Variants in MMP20 observed in about 807,000 individuals in gnomAD.
MMP20 encodes the protein matrix metalloproteinase-20.
Under a neutral mutation model 51.8 loss-of-function variants are expected in MMP20, and 50 were observed. That is an observed-to-expected ratio of 0.97 (90% confidence interval 0.77 to 1.22). The LOEUF is 1.22. Ranked by LOEUF, MMP20 falls within the 50% of genes most tolerant of loss-of-function variation. The pLI, the probability that MMP20 is intolerant of heterozygous loss-of-function variation, is 0.00. For missense variants in MMP20, 663 were observed against 601.4 expected (o/e 1.10, Z -1.07); for synonymous variants, 244 against 216.2 (o/e 1.13, Z -1.13).
intron 1 of MMP20, 83 bp downstream of exon 1, chr11:102,625,111 A>G: frequency 1.3e-6 from 2 of 1,547,616 alleles, no homozygotes; most frequent in Middle Eastern, 2.1e-4. Flanking sequence ...GAACAATAGA[A>G]TTTTTTTCTT....
intron 8 of MMP20, among the ~76,000 whole-genome samples, chr11:102,584,970 T>G (rs1385882887): frequency 6.6e-6 from 1 of 152,192 alleles, no homozygotes; most frequent in Non-Finnish European, 1.5e-5. Flanking sequence ...AATTTTATTC[T>G]ATTAACATGT....
chr11:102,595,685 C>T (rs1859373163), intron 6 of MMP20, among the ~76,000 whole-genome samples: 1 of 152,178 alleles, frequency 6.6e-6, no homozygotes, highest in Non-Finnish European at 1.5e-5. Context: ...ATCTAGTACA[C>T]ACATATTGAT....
intron 4 of MMP20, among the ~76,000 whole-genome samples, 164 bp from the exon 5 acceptor site, chr11:102,609,262 G>T (rs1244131305): frequency 6.6e-6 from 1 of 152,156 alleles, no homozygotes. Context: ...TAGCTTTGGT[G>T]ACTTTAATTC....
rs532136091 is a variant in MMP20 at position 102,616,874 on chromosome 11, A to G, written c.312T>C (p.Asp104=). The G allele has an allele frequency of 6.2e-7, 1 of 1,614,220 alleles. No homozygotes were observed. Among genetic ancestry groups the G allele is most frequent in the Admixed American group, 1.7e-5 (1 of 60,032 alleles). The part of the protein sequence containing the change: ...VIKKPRCGVP[D]VANYRLFPGE... ...CAGGGAAGAGGCGATAATTGGCCAC[A>G]TCAGGAACTCCACAGCGAGGCTTCT... The change falls in exon 2 of 10, where the codon GAT becomes GAC. Residue 104 remains aspartate, a synonymous_variant. Transcript: ENST00000260228.
intron 8 of MMP20, among the ~76,000 whole-genome samples, chr11:102,589,418 CT>C (rs1232263848): frequency 6.6e-6 from 1 of 152,168 alleles, no homozygotes; most frequent in Non-Finnish European, 1.5e-5. Flanking sequence ...ACTTTTGGCA[CT>C]TGGATTTCTG....
At chr11:102,624,401 CATATATATATATATAT>C (rs58212685) in intron 1 of MMP20, among the ~76,000 whole-genome samples, 21 of 140,268 alleles carry the variant, frequency 1.5e-4, no homozygotes, top group African/African-American at 3.3e-4. Context: ...CGCTTGGAAG[CATATATATATATATAT>C]ATATATATAT....
chr11:102,609,280 C>T (rs1278893896), intron 4 of MMP20, among the ~76,000 whole-genome samples, 182 bp from the exon 5 acceptor site: 2 of 152,092 alleles, frequency 1.3e-5, no homozygotes, highest in Non-Finnish European at 2.9e-5. Flanking sequence ...TTCTTCCCCC[C>T]TTGGCTAGAA....
chr11:102,622,213 C>T (rs1464292531), intron 1 of MMP20, among the ~76,000 whole-genome samples: 4 of 152,120 alleles, frequency 2.6e-5, no homozygotes, highest in Admixed American at 6.5e-5. Context: ...TGTTTGGAAA[C>T]GTGGCCTCTC....
intron 6 of MMP20, among the ~76,000 whole-genome samples, chr11:102,600,673 G>A (rs1198572024): frequency 1.3e-5 from 2 of 152,164 alleles, no homozygotes; most frequent in East Asian, 3.9e-4. Context: ...TTTTAGTAGA[G>A]ACAGGGTTTC....
At chr11:102,599,706 A>G (rs1360388162) in intron 6 of MMP20, among the ~76,000 whole-genome samples, 1 of 152,242 alleles carries the variant, frequency 6.6e-6, no homozygotes, top group East Asian at 1.9e-4. Context: ...ACTTTGAAGT[A>G]CAAACTGTCA....
rs941227610 is a variant in MMP20, at chr11:102,611,674, A to G, written c.523+81T>C. ...CTGTGCGAAGGAGGAGTGTGTGATC[A>G]CTCGAATTAAAGATGTAGAAGGAAC... On this transcript the variant is annotated intron_variant, in intron 3 of 9. Transcript: ENST00000260228. 1.5e-5 allele frequency: 23 copies of G among 1,534,618 alleles called. No homozygotes were observed. In the South Asian group the frequency reaches 1.8e-4, roughly 12 times the overall value.
chr11:102,625,136 C>G (rs748615415), intron 1 of MMP20, 58 bp downstream of exon 1: 2 of 1,605,602 alleles, frequency 1.2e-6, no homozygotes, highest in Non-Finnish European at 1.7e-6. Context: ...TCTCACTATG[C>G]CCTTTTAGGT....
chr11:102,611,819 G>A lies in MMP20; in HGVS notation c.459C>T (p.Val153=). The A allele has an allele frequency of 6.2e-7, 1 of 1,614,246 alleles. No individual in the cohort carries two copies. Among genetic ancestry groups the A allele is most frequent in the Non-Finnish European group, 8.5e-7 (1 of 1,180,040 alleles). ...EMALQAWSSA[V]PLSFVRINSG... is the part of the protein sequence containing the mutation. ...AGTTTATTCTGACAAAGCTCAGAGG[G>A]ACGGCGCTACTCCAGGCCTGCAAGG... is the stretch of plus-strand genomic sequence containing the variant. The change falls in exon 3 of 10, where the codon GTC becomes GTT. Residue 153 remains valine (V), a synonymous_variant. Coordinates refer to ENST00000260228, the MANE Select transcript of MMP20 (RefSeq NM_004771.4).
intron 6 of MMP20, among the ~76,000 whole-genome samples, chr11:102,600,184 C>A (rs61289667): frequency 1.3e-5 from 2 of 152,132 alleles, no homozygotes; most frequent in African/African-American, 2.4e-5. Context: ...AGGGAGAATG[C>A]GAAGGAGGAA....
intron 8 of MMP20, among the ~76,000 whole-genome samples, chr11:102,588,265 T>C (rs1303653677): frequency 6.6e-6 from 1 of 152,078 alleles, no homozygotes; most frequent in African/African-American, 2.4e-5. Flanking sequence ...TGTGTTATTA[T>C]TGTTATACCT....
intron 3 of MMP20, among the ~76,000 whole-genome samples, chr11:102,610,688 G>C (rs1045381566): frequency 2.0e-5 from 3 of 151,610 alleles, no homozygotes; most frequent in Admixed American, 6.6e-5. Context: ...AGAAGAGGAG[G>C]AGGAAGAACA....
chr11:102,592,484 G>T lies in MMP20; in HGVS notation c.1247+955C>A, dbSNP rs367775525. 3.9e-5 allele frequency among the ~76,000 whole-genome samples: 6 copies of T among 152,252 alleles called. No individual in the cohort carries two copies. In the East Asian group the frequency reaches 5.8e-4, roughly 15 times the overall value. On this transcript the variant is annotated intron_variant, in intron 8 of 9. Transcript: ENST00000260228. ...ATTTTCTCAACTCCAAATTGGGGAA[G>T]AAAATATGAATCAGATAGAATAAGA... is the stretch of plus-strand genomic sequence containing the variant.
chr11:102,617,760 T>C (rs576852962), intron 1 of MMP20, among the ~76,000 whole-genome samples: 1 of 152,178 alleles, frequency 6.6e-6, no homozygotes, highest in Non-Finnish European at 1.5e-5. Flanking sequence ...ATAAAGCCCC[T>C]CAGTATATAT....
chr11:102,618,887 A>T (rs1392580747), intron 1 of MMP20, among the ~76,000 whole-genome samples: 2 of 152,060 alleles, frequency 1.3e-5, no homozygotes, highest in African/African-American at 4.8e-5. Context: ...AGGGTACGCT[A>T]TTTTTTCACT....
Sources: gnomAD v4.1 joint callset for allele counts (sites outside exome capture counted in the v4.1 genomes callset) on GRCh38, gnomAD v4.1.1 for gene constraint, MANE v1.5 for transcripts, NCBI Gene and HGNC (gene_info 2026-07-23, HGNC 2026-07-21) for gene names.